Variants in MGAT4C observed in about 807,000 individuals in gnomAD.
MGAT4C encodes alpha-1,3-mannosyl-glycoprotein 4-beta-N-acetylglucosaminyltransferase C.
Under a neutral mutation model 40.1 loss-of-function variants are expected in MGAT4C, and 19 were observed. The observed-to-expected ratio is 0.47, with a 90% confidence interval of 0.33 to 0.70. MGAT4C has a LOEUF of 0.70. MGAT4C is among the 30% of genes least tolerant of loss of function. The pLI is 0.02. For synonymous variants in MGAT4C, 181 were observed against 187.1 expected, an observed-to-expected ratio of 0.97 and a Z score of 0.27; for missense variants, 491 against 563.2, an observed-to-expected ratio of 0.87 and a Z score of 1.30.
chr12:86,266,031 CT>C (rs1952778218), intron 4 of MGAT4C, among the ~76,000 whole-genome samples: 1 of 152,066 alleles, frequency 6.6e-6, no homozygotes, highest in Non-Finnish European at 1.5e-5. Flanking sequence ...AATTTAAGAG[CT>C]TTTTCTAGAA....
intron 2 of MGAT4C, among the ~76,000 whole-genome samples, chr12:86,566,569 TA>T (rs200945977): frequency 2.3e-5 from 3 of 130,910 alleles, no homozygotes; most frequent in Non-Finnish European, 4.9e-5. Context: ...TATATATATA[TA>T]TATATGTATA....
At chr12:86,031,787 CA>C (rs1473611903) in intron 2 of MGAT4C, among the ~76,000 whole-genome samples, 1 of 151,704 alleles carries the variant, frequency 6.6e-6, no homozygotes, top group Non-Finnish European at 1.5e-5. Context: ...ATCTTAAGTT[CA>C]GGGGTACATA....
intron 2 of MGAT4C, among the ~76,000 whole-genome samples, chr12:86,617,174 C>T (rs74536042): frequency 0.031 from 4,716 of 152,224 alleles, 122 homozygotes; most frequent in African/African-American, 0.074. Context: ...AGTTAGTAGT[C>T]ATTTTTTCTC....
chr12:86,645,179 C>T lies in MGAT4C; in HGVS notation c.-229+82030G>A, dbSNP rs1370474805. Among the ~76,000 whole-genome samples, 3 of 151,428 alleles carry T rather than the reference C, an allele frequency of 2.0e-5. No individual in the cohort carries two copies. In the East Asian group the frequency reaches 5.9e-4, roughly 30 times the overall value. ...CATGTATATGATGTAAAAAATATAG[C>T]ATTTATAAATACCAAGAAAAAGTTC... On this transcript the variant is annotated intron_variant, in intron 2 of 7. Coordinates refer to the MGAT4C transcript ENST00000548651.
intron 4 of MGAT4C, among the ~76,000 whole-genome samples, chr12:86,295,826 G>A (rs1460408774): frequency 6.6e-6 from 1 of 152,018 alleles, no homozygotes; most frequent in Non-Finnish European, 1.5e-5. Context: ...GTGTGGATTG[G>A]TGCATTCACA....
At chr12:86,754,325 C>A (rs1951267515) in intron 1 of MGAT4C, among the ~76,000 whole-genome samples, 1 of 151,902 alleles carries the variant, frequency 6.6e-6, no homozygotes, top group Admixed American at 6.6e-5. Context: ...TGGTTGCTAG[C>A]AAGCAGGAGT....
intron 1 of MGAT4C, among the ~76,000 whole-genome samples, chr12:86,136,984 T>A (rs773397185): frequency 2.6e-5 from 4 of 152,036 alleles, no homozygotes; most frequent in Non-Finnish European, 4.4e-5. Context: ...CGCGCCTGGC[T>A]CACTCATATT....
chr12:86,407,557 G>A (rs1956499717), intron 3 of MGAT4C, among the ~76,000 whole-genome samples: 2 of 152,088 alleles, frequency 1.3e-5, no homozygotes, highest in African/African-American at 4.8e-5. Context: ...ATACTCTATT[G>A]TGGTTCAGTG....
intron 3 of MGAT4C, among the ~76,000 whole-genome samples, chr12:86,357,982 C>T (rs1955356239): frequency 6.6e-6 from 1 of 152,010 alleles, no homozygotes; most frequent in Non-Finnish European, 1.5e-5. Context: ...CAGAGAACAC[C>T]ACAGCGATAC....
intron 1 of MGAT4C, among the ~76,000 whole-genome samples, chr12:86,251,131 G>GTTTTTTTTTTTTTTTTT: frequency 7.2e-6 from 1 of 138,108 alleles, no homozygotes. Context: ...TTTATTTCCC[G>GTTTTTTTTTTTTTTTTT]TTTTTTTTTT....
chr12:86,627,423 G>A (rs1392763007), intron 2 of MGAT4C, among the ~76,000 whole-genome samples: 7 of 152,158 alleles, frequency 4.6e-5, no homozygotes, highest in Non-Finnish European at 5.9e-5. Context: ...CTCCTCAAGT[G>A]GGACCCTGAC....
intron 2 of MGAT4C, among the ~76,000 whole-genome samples, chr12:85,997,268 T>C (rs1886733216): frequency 6.6e-6 from 1 of 152,148 alleles, no homozygotes; most frequent in African/African-American, 2.4e-5. Context: ...TGTGATTCAA[T>C]TACCTTCCCC....
In MGAT4C at chr12:86,344,932, G is replaced by T. The variant is rs12311647; in HGVS notation, c.-119-10805C>A. On this transcript the variant is annotated intron_variant, in intron 3 of 7. Transcript: ENST00000548651. ...TGACAATTTGAACAACTATGTACAG[G>T]TAAATACATTGCTGTTAGCTTTGTA... Among the ~76,000 whole-genome samples the T allele has an allele frequency of 8.2e-3, 1,241 of 151,950 alleles. 24 individuals carry two copies. Among genetic ancestry groups the T allele is most frequent in the African/African-American group, 0.029 (1,189 of 41,422 alleles).
At chr12:86,513,037 T>G (rs902282970) in intron 2 of MGAT4C, among the ~76,000 whole-genome samples, 7 of 152,148 alleles carry the variant, frequency 4.6e-5, no homozygotes, top group African/African-American at 1.4e-4. Context: ...GTTATTTATA[T>G]TTATTCTTAT....
At chr12:86,265,050 A>G (rs1349326349) in intron 4 of MGAT4C, among the ~76,000 whole-genome samples, 3 of 152,178 alleles carry the variant, frequency 2.0e-5, no homozygotes, top group Non-Finnish European at 2.9e-5. Flanking sequence ...AGCCTGGTCT[A>G]GCCGCAGCCT....
chr12:86,147,800 C>T (rs1173298989), intron 1 of MGAT4C, among the ~76,000 whole-genome samples: 1 of 152,044 alleles, frequency 6.6e-6, no homozygotes, highest in African/African-American at 2.4e-5. Flanking sequence ...CTTATGTTTA[C>T]ACTAATATTA....
chr12:86,293,124 G>A (rs1273210925), intron 4 of MGAT4C, among the ~76,000 whole-genome samples: 1 of 152,042 alleles, frequency 6.6e-6, no homozygotes, highest in Admixed American at 6.6e-5. Flanking sequence ...TTATTTAAAA[G>A]TTCAATTTTT....
At chr12:86,343,811 A>C (rs1954955281) in intron 3 of MGAT4C, among the ~76,000 whole-genome samples, 1 of 152,188 alleles carries the variant, frequency 6.6e-6, no homozygotes, top group East Asian at 1.9e-4. Flanking sequence ...TCTTTATGTA[A>C]AAAACTATTG....
At chr12:86,257,870 A>G (rs1408162740), upstream of MGAT4C, among the ~76,000 whole-genome samples, 1 of 152,166 alleles carries the variant, frequency 6.6e-6, no homozygotes, top group Non-Finnish European at 1.5e-5. Context: ...TACTATCTGT[A>G]AAAACTCTGG....
Sources: allele counts gnomAD v4.1 joint callset (sites outside exome capture counted in the v4.1 genomes callset), GRCh38; gene constraint gnomAD v4.1.1; transcripts MANE v1.5; gene names NCBI Gene and HGNC (gene_info 2026-07-23, HGNC 2026-07-21).